The following RNF175 variants were observed in gnomAD, a reference collection of about 807,000 sequenced individuals.
RNF175 encodes ring finger protein 175.
In RNF175, 38 loss-of-function variants were observed where a neutral mutation model predicts 50.0. The observed-to-expected ratio is 0.76, with a 90% CI of 0.59 to 1.00. The LOEUF (loss-of-function observed/expected upper bound fraction) is 1.00. Ranked by LOEUF, RNF175 falls within the 50% of genes least tolerant of loss-of-function variation. The pLI, the probability that RNF175 is intolerant of heterozygous loss-of-function variation, is 0.00. For missense variants in RNF175, 388 were observed against 409.6 expected, an observed-to-expected ratio of 0.95 and a Z score of 0.46; for synonymous variants, 155 against 146.1, an observed-to-expected ratio of 1.06 and a Z score of -0.44.
At chr4:153,725,884 G>A (rs890148947) in intron 4 of RNF175, among the ~76,000 whole-genome samples, 3 of 152,136 alleles carry the variant, frequency 2.0e-5, no homozygotes, top group African/African-American at 7.2e-5. Flanking sequence ...CCATTTTCCT[G>A]CTTATTGCGG....
chr4:153,743,542 T>C (rs915791353), intron 3 of RNF175, among the ~76,000 whole-genome samples: 5 of 152,008 alleles, frequency 3.3e-5, no homozygotes, highest in African/African-American at 1.2e-4. Context: ...TCCTTGACTA[T>C]GGTGGGGGCA....
intron 7 of RNF175, chr4:153,714,998 G>A (rs1737812824): frequency 6.0e-6 from 1 of 165,430 alleles, no homozygotes; most frequent in African/African-American, 2.4e-5. Context: ...AAAGACTGAA[G>A]CTGAGAAGAA....
At chr4:153,735,638 T>A (rs1739315088) in intron 3 of RNF175, among the ~76,000 whole-genome samples, 1 of 152,224 alleles carries the variant, frequency 6.6e-6, no homozygotes, top group Non-Finnish European at 1.5e-5. Context: ...GACATATTGA[T>A]ACTGAATCTT....
At chr4:153,758,904 AG>A (rs1165317864) in intron 1 of RNF175, among the ~76,000 whole-genome samples, 1 of 152,124 alleles carries the variant, frequency 6.6e-6, no homozygotes, top group South Asian at 2.1e-4. Context: ...GGGTTGGAGG[AG>A]AAGGGGGTTA....
intron 5 of RNF175, among the ~76,000 whole-genome samples, chr4:153,720,819 T>G (rs1427884089): frequency 6.6e-6 from 1 of 152,250 alleles, no homozygotes; most frequent in Non-Finnish European, 1.5e-5. Context: ...GCAGTATTTT[T>G]AAAGAGCTTG....
chr4:153,754,567 T>C (rs1740470415), intron 1 of RNF175, among the ~76,000 whole-genome samples: 1 of 152,114 alleles, frequency 6.6e-6, no homozygotes, highest in Non-Finnish European at 1.5e-5. Context: ...TATGTTTGAG[T>C]CCTAACCCCC....
At chr4:153,752,366 C>T (rs1350577025) in intron 1 of RNF175, among the ~76,000 whole-genome samples, 1 of 152,142 alleles carries the variant, frequency 6.6e-6, no homozygotes, top group Non-Finnish European at 1.5e-5. Flanking sequence ...GATGTTGTGA[C>T]CTCCATTTGA....
intron 4 of RNF175, among the ~76,000 whole-genome samples, chr4:153,726,146 C>T (rs2127117792): frequency 6.6e-6 from 1 of 152,060 alleles, no homozygotes; most frequent in South Asian, 2.1e-4. Context: ...TGCTCTGTTG[C>T]CCAGGCTGGA....
At chr4:153,726,314 A>G (rs1738697728) in intron 4 of RNF175, among the ~76,000 whole-genome samples, 1 of 152,162 alleles carries the variant, frequency 6.6e-6, no homozygotes, top group Non-Finnish European at 1.5e-5. Flanking sequence ...CATGTTTGCC[A>G]GGCTGGTCTC....
chr4:153,748,554 A>G, intron 3 of RNF175, 91 bp downstream of exon 3: 1 of 1,217,538 alleles, frequency 8.2e-7, no homozygotes, highest in Non-Finnish European at 1.1e-6. Flanking sequence ...GTTCCTTCAA[A>G]GTGCTAACCA....
chr4:153,717,449 G>A (rs1375009071), intron 6 of RNF175, among the ~76,000 whole-genome samples: 1 of 151,824 alleles, frequency 6.6e-6, no homozygotes, highest in Non-Finnish European at 1.5e-5. Flanking sequence ...TTGTTGCTGG[G>A]GTGTCATTGC....
At chr4:153,745,066 G>A (rs1168538138) in intron 3 of RNF175, among the ~76,000 whole-genome samples, 1 of 152,202 alleles carries the variant, frequency 6.6e-6, no homozygotes, top group Non-Finnish European at 1.5e-5. Context: ...TTGCAGGCAA[G>A]TTGAGTCCCT....
chr4:153,728,106 G>A (rs1183997006), intron 4 of RNF175, 101 bp downstream of exon 4: 1 of 758,624 alleles, frequency 1.3e-6, no homozygotes, highest in Non-Finnish European at 2.0e-6. Context: ...TAAAAGAAAT[G>A]TAACCCCCCC....
Position 153,741,638 on chromosome 4 carries a change from T to C in RNF175, c.246+7007A>G, listed in dbSNP as rs571607615. On this transcript the variant is annotated intron_variant, in intron 3 of 8. Coordinates refer to ENST00000347063, the MANE Select transcript of RNF175 (RefSeq NM_173662.4). ...TCTCTGACAGGTCCAAGAAAAGCCA[T>C]TGATAATCAGTTTGGTCCGTTTTTT... Among the ~76,000 whole-genome samples the C allele has an allele frequency of 3.3e-5, 5 of 152,218 alleles. No individual in the cohort carries two copies. In the South Asian group the frequency reaches 8.3e-4, roughly 25 times the overall value.
chr4:153,715,484 AAGG>A lies in RNF175; in HGVS notation c.764+42_764+44del, dbSNP rs779698980. On this transcript the variant is annotated intron_variant, in intron 7 of 8. Coordinates refer to ENST00000347063, the MANE Select transcript of RNF175 (RefSeq NM_173662.4). ...AGGAGGAGGAGGAGAAGGAGGAAAGAAGGAGGCTTGATGAAGCCCAAACAATTT... is the reference window on the plus strand; with the variant it reads ...AGGAGGAGGAGGAGAAGGAGGAAAGAAGGCTTGATGAAGCCCAAACAATTT... 2.8e-5 allele frequency: 43 copies of A among 1,544,790 alleles called. No homozygotes were observed. The East Asian group carries it at 1.0e-3, about 37-fold the overall frequency.
Position 153,748,688 on chromosome 4 carries a change from A to T in RNF175, c.203T>A (p.Ile68Lys). ...CCTCTGTCTCCACTGAACCAGCACTATCTGGGCAATGACCAGAACGCAGAG... is the reference window on the plus strand; with the variant it reads ...CCTCTGTCTCCACTGAACCAGCACTTTCTGGGCAATGACCAGAACGCAGAG... ...IFLCVLVIAQ[I>K]VLVQWRQRHG... The change falls in exon 3 of 9, where the codon ATA (isoleucine) becomes AAA (lysine). Residue 68 changes from isoleucine to lysine, a missense_variant. Transcript: ENST00000347063. The T allele has an allele frequency of 1.2e-6, 2 of 1,605,338 alleles. No individual in the cohort carries two copies. The highest frequency in any genetic ancestry group is 1.7e-6 in the Non-Finnish European group (2 of 1,176,062).
intron 2 of RNF175, among the ~76,000 whole-genome samples, chr4:153,749,441 A>G (rs1239326818): frequency 6.6e-6 from 1 of 152,242 alleles, no homozygotes; most frequent in African/African-American, 2.4e-5. Context: ...AGGAGAGAAT[A>G]TTATCCAGGG....
intron 1 of RNF175, among the ~76,000 whole-genome samples, chr4:153,759,526 G>A (rs1461756169): frequency 6.6e-6 from 1 of 152,186 alleles, no homozygotes; most frequent in African/African-American, 2.4e-5. Context: ...TGCGAGAAGA[G>A]GGATGGAGCG....
chr4:153,738,484 C>A (rs537494739), intron 3 of RNF175, among the ~76,000 whole-genome samples: 2 of 152,224 alleles, frequency 1.3e-5, no homozygotes, highest in Non-Finnish European at 2.9e-5. Context: ...TGTGCCAAGC[C>A]AAATGCCCTT....
Sources: gnomAD v4.1 joint callset for allele counts (sites outside exome capture counted in the v4.1 genomes callset) on GRCh38, gnomAD v4.1.1 for gene constraint, MANE v1.5 for transcripts, NCBI Gene and HGNC (gene_info 2026-07-23, HGNC 2026-07-21) for gene names.